The following ADAM2 variants were observed in gnomAD, a reference collection of about 807,000 sequenced individuals.
The protein encoded by ADAM2 is ADAM metallopeptidase domain 2.
In ADAM2, 101 loss-of-function variants were observed where a neutral mutation model predicts 99.3. The observed-to-expected ratio is 1.02, with a 90% CI of 0.87 to 1.20. The LOEUF (loss-of-function observed/expected upper bound fraction) is 1.20. ADAM2 is among the 50% of genes most tolerant of loss of function. The probability of loss-of-function intolerance (pLI) is 0.00; values close to 1 mark genes in which losing one functional copy is unlikely to be tolerated. For synonymous variants in ADAM2, 323 were observed against 287.6 expected (o/e 1.12, Z -1.25); for missense variants, 948 against 878.7 (o/e 1.08, Z -1.00).
intron 5 of ADAM2, 84 bp from the exon 6 acceptor site, chr8:39,821,254 T>C (rs1805176541): frequency 2.1e-6 from 2 of 953,026 alleles, no homozygotes; most frequent in African/African-American, 1.7e-5. Context: ...TATTTTTTCA[T>C]GGTATGCAGA....
At chr8:39,751,239 G>C (rs1181193911) in intron 16 of ADAM2, among the ~76,000 whole-genome samples, 2 of 152,186 alleles carry the variant, frequency 1.3e-5, no homozygotes, top group African/African-American at 4.8e-5. Context: ...ATACAGATTA[G>C]TGCTGCTGTA....
chr8:39,761,905 C>A (rs1257720816), intron 14 of ADAM2, among the ~76,000 whole-genome samples: 1 of 152,070 alleles, frequency 6.6e-6, no homozygotes, highest in Non-Finnish European at 1.5e-5. Context: ...CACAGTGAAA[C>A]CCCGTCTCTA....
At chr8:39,805,979 C>T (rs1022830097) in intron 7 of ADAM2, among the ~76,000 whole-genome samples, 1 of 152,148 alleles carries the variant, frequency 6.6e-6, no homozygotes. Flanking sequence ...TATGAAGTAG[C>T]ATCCATGCTC....
At chr8:39,744,964 C>A in intron 19 of ADAM2, 71 bp from the exon 20 acceptor site, 1 of 1,267,220 alleles carries the variant, frequency 7.9e-7, no homozygotes, top group African/African-American at 1.5e-5. Context: ...TATTATCTGT[C>A]AGTCTTGAAA....
chr8:39,833,664 T>C (rs1182333103), intron 3 of ADAM2, among the ~76,000 whole-genome samples: 1 of 152,126 alleles, frequency 6.6e-6, no homozygotes, highest in Non-Finnish European at 1.5e-5. Context: ...TATATATTTT[T>C]ATGAGAGATA....
chr8:39,812,457 C>T lies in ADAM2; in HGVS notation c.514-2991G>A, dbSNP rs145122793. Among the ~76,000 whole-genome samples the T allele has an allele frequency of 8.2e-4, 125 of 152,152 alleles. 1 individual carries two copies. In the East Asian group the frequency reaches 0.017, roughly 21 times the overall value. On this transcript the variant is annotated intron_variant, in intron 6 of 20. Coordinates refer to ENST00000265708, the MANE Select transcript of ADAM2 (RefSeq NM_001464.5). ...GTTCATATGGAACCAAAAATGAGCC[C>T]GCATAGCCAAGACAATCCTAAGCCA...
intron 15 of ADAM2, among the ~76,000 whole-genome samples, chr8:39,758,838 G>T (rs994361905): frequency 6.6e-6 from 1 of 151,742 alleles, no homozygotes; most frequent in Non-Finnish European, 1.5e-5. Flanking sequence ...GAGAATTTGA[G>T]AAAGTATCAA....
At chr8:39,821,347 A>G (rs1391485523) in intron 5 of ADAM2, among the ~76,000 whole-genome samples, 177 bp from the exon 6 acceptor site, 1 of 152,176 alleles carries the variant, frequency 6.6e-6, no homozygotes, top group African/African-American at 2.4e-5. Context: ...ACCGCATAGT[A>G]ATGCTGTTAG....
At chr8:39,791,724 C>G (rs1803723719) in intron 7 of ADAM2, among the ~76,000 whole-genome samples, 1 of 152,060 alleles carries the variant, frequency 6.6e-6, no homozygotes, top group Admixed American at 6.6e-5. Flanking sequence ...CTCCATTAGA[C>G]AGACAAGGGC....
rs1802588317 is a variant in ADAM2, at chr8:39,766,935, C to T, written c.1420G>A (p.Gly474Arg). Residue 474 changes from glycine (G) to arginine (R), a missense_variant, in exon 14 of 21, where the codon GGG becomes AGG. Physicochemically the swap from Gly to Arg is moderately radical, Grantham distance 125. Transcript: ENST00000265708. ...SCPENHYVQT[G>R]HPCGLNQWIC... ...CATTGATTCAGTCCACACGGATGCC[C>T]AGTCTGAACATAGTGGTTTTCTGGG... 1 of 1,614,050 alleles carries T rather than the reference C, an allele frequency of 6.2e-7. No individual in the cohort carries two copies. The highest frequency in any genetic ancestry group is 8.5e-7 in the Non-Finnish European group (1 of 1,180,024).
chr8:39,753,903 C>T (rs1802055076), intron 16 of ADAM2, among the ~76,000 whole-genome samples: 1 of 152,018 alleles, frequency 6.6e-6, no homozygotes, highest in South Asian at 2.1e-4. Context: ...AAAAACCTGC[C>T]AACTTGCCCA....
chr8:39,834,888 T>TTGTGGAATG (rs1805761084), intron 2 of ADAM2, among the ~76,000 whole-genome samples: 1 of 152,142 alleles, frequency 6.6e-6, no homozygotes, highest in Admixed American at 6.5e-5. Context: ...ATGTTAGACT[T>TTGTGGAATG]TGTGGAATGC....
At chr8:39,749,507 A>G in intron 17 of ADAM2, 57 bp from the exon 18 acceptor site, 1 of 1,555,772 alleles carries the variant, frequency 6.4e-7, no homozygotes, top group Non-Finnish European at 8.8e-7. Flanking sequence ...ATATATGTTC[A>G]AGTAGAATTA....
At chr8:39,749,586 C>A (rs77172402) in intron 17 of ADAM2, 81 bp downstream of exon 17, 1 of 1,214,492 alleles carries the variant, frequency 8.2e-7, no homozygotes, top group Non-Finnish European at 1.2e-6. Context: ...TGTGTGTGTG[C>A]GTGTGTGTGT....
At chr8:39,779,217 G>A (rs1803121401) in intron 10 of ADAM2, among the ~76,000 whole-genome samples, 1 of 152,106 alleles carries the variant, frequency 6.6e-6, no homozygotes, top group Non-Finnish European at 1.5e-5. Flanking sequence ...AGTTCTAGAA[G>A]TCCAAGATCA....
At chr8:39,813,909 A>G (rs1201914396) in intron 6 of ADAM2, among the ~76,000 whole-genome samples, 2 of 152,022 alleles carry the variant, frequency 1.3e-5, no homozygotes, top group Admixed American at 6.5e-5. Context: ...CTAGAACTTA[A>G]AGTATAATAA....
chr8:39,834,516 T>C (rs28569468), intron 2 of ADAM2, among the ~76,000 whole-genome samples: 90,595 of 151,802 alleles, frequency 0.6, 27,934 homozygotes, highest in African/African-American at 0.75. Flanking sequence ...AGGCGGATCA[T>C]GAGGTCAAGA....
intron 6 of ADAM2, among the ~76,000 whole-genome samples, chr8:39,813,015 A>G (rs1458995241): frequency 2.0e-5 from 3 of 152,250 alleles, no homozygotes; most frequent in South Asian, 2.1e-4. Context: ...TTTACAATCT[A>G]ACCATCTGAC....
At chr8:39,834,066 T>TAA in intron 2 of ADAM2, 67 bp from the exon 3 acceptor site, 1 of 821,752 alleles carries the variant, frequency 1.2e-6, no homozygotes, top group Non-Finnish European at 2.0e-6. Flanking sequence ...TAACCATCAT[T>TAA]TTACATTAAT....
Sources: gnomAD v4.1 joint callset for allele counts (sites outside exome capture counted in the v4.1 genomes callset) on GRCh38, gnomAD v4.1.1 for gene constraint, MANE v1.5 for transcripts, NCBI Gene and HGNC (gene_info 2026-07-23, HGNC 2026-07-21) for gene names.